KANK1: variants seen among roughly 807,000 people sequenced by gnomAD.
KANK1 encodes the protein KN motif and ankyrin repeat domain-containing protein 1.
KANK1 carries 109 observed loss-of-function variants against 106.2 expected under a neutral mutation model. The ratio of observed to expected loss-of-function variants is 1.03; its 90% CI spans 0.88 to 1.20. The LOEUF (loss-of-function observed/expected upper bound fraction) is 1.20, where lower values mean the gene tolerates loss of function less well. Ranked by LOEUF, KANK1 falls within the 50% of genes most tolerant of loss-of-function variation. The pLI is 0.00. For missense variants in KANK1, 2,399 were observed against 1,710.7 expected, an observed-to-expected ratio of 1.40 and a Z score of -7.10; for synonymous variants, 873 against 652.2, an observed-to-expected ratio of 1.34 and a Z score of -5.16.
At chr9:698,556 C>T (rs1335442234) in intron 2 of KANK1, among the ~76,000 whole-genome samples, 1 of 152,178 alleles carries the variant, frequency 6.6e-6, no homozygotes, top group Admixed American at 6.5e-5. Context: ...TGGTCTCCAG[C>T]TCAGCCCAGA....
chr9:564,154 G>T (rs1463229726), intron 1 of KANK1, among the ~76,000 whole-genome samples: 2 of 151,732 alleles, frequency 1.3e-5, no homozygotes, highest in East Asian at 3.9e-4. Context: ...CCGCCTCCCG[G>T]GTTCACGCCA....
chr9:714,638 A>C (rs1022363360), intron 3 of KANK1, among the ~76,000 whole-genome samples: 1 of 152,052 alleles, frequency 6.6e-6, no homozygotes, highest in Admixed American at 6.6e-5. Flanking sequence ...GATTACAGAC[A>C]TGAGCCACCA....
intron 1 of KANK1, among the ~76,000 whole-genome samples, chr9:650,157 G>A (rs1333648500): frequency 6.6e-6 from 1 of 152,148 alleles, no homozygotes. Flanking sequence ...TCATTGCAGG[G>A]CAGCTTGCAA....
chr9:670,342 T>C (rs961130038), intron 1 of KANK1, among the ~76,000 whole-genome samples: 1 of 152,194 alleles, frequency 6.6e-6, no homozygotes, highest in Admixed American at 6.5e-5. Context: ...GTCTAGTCTG[T>C]TTTGGTTTTT....
At chr9:599,968 C>A (rs944570205) in intron 1 of KANK1, among the ~76,000 whole-genome samples, 1 of 151,752 alleles carries the variant, frequency 6.6e-6, no homozygotes, top group African/African-American at 2.4e-5. Flanking sequence ...CCCACATCAA[C>A]GTATGTCCAT....
chr9:643,110 T>C lies in KANK1; in HGVS notation c.-83-33780T>C, dbSNP rs539730327. ...GGTCAGATCACCATTTGGAAAGATC[T>C]TATTCTTTAAAGCAAAAGTTTTGAA... On this transcript the variant is annotated intron_variant, in intron 1 of 11. Coordinates refer to ENST00000382297, the MANE Select transcript of KANK1 (RefSeq NM_015158.5). Among the ~76,000 whole-genome samples, 8 of 150,928 alleles carry C rather than the reference T, an allele frequency of 5.3e-5. No individual in the cohort carries two copies. The South Asian group carries it at 1.7e-3, about 31-fold the overall frequency.
chr9:735,702 C>G, intron 7 of KANK1: 2 of 429,550 alleles, frequency 4.7e-6, no homozygotes, highest in South Asian at 3.4e-5. Context: ...TATCATAATA[C>G]CTAATACAGG....
At chr9:630,827 C>A (rs148730848) in intron 1 of KANK1, among the ~76,000 whole-genome samples, 1 of 151,956 alleles carries the variant, frequency 6.6e-6, no homozygotes. Flanking sequence ...CACTTGAACC[C>A]GGGATGTAGA....
chr9:474,705 A>G (rs1220293896), intron 3 of KANK1, among the ~76,000 whole-genome samples: 1 of 152,058 alleles, frequency 6.6e-6, no homozygotes, highest in Non-Finnish European at 1.5e-5. Flanking sequence ...TATCTTTTCT[A>G]TATTTCTTCC....
chr9:544,694 A>C (rs1213350110), intron 1 of KANK1, among the ~76,000 whole-genome samples: 1 of 151,916 alleles, frequency 6.6e-6, no homozygotes, highest in Non-Finnish European at 1.5e-5. Context: ...GTCGTAGTTG[A>C]AGCTGAAACC....
intron 1 of KANK1, among the ~76,000 whole-genome samples, chr9:587,992 G>A (rs1271629258): frequency 1.3e-5 from 2 of 152,044 alleles, no homozygotes; most frequent in Admixed American, 1.3e-4. Flanking sequence ...CTTGAACCTG[G>A]GAGGCAGAGG....
intron 2 of KANK1, among the ~76,000 whole-genome samples, chr9:686,234 T>C (rs1179708603): frequency 6.6e-6 from 1 of 152,200 alleles, no homozygotes; most frequent in Non-Finnish European, 1.5e-5. Flanking sequence ...AGCCGATTTA[T>C]TTATTTTTCC....
At chr9:616,055 C>G (rs1242181995) in intron 1 of KANK1, among the ~76,000 whole-genome samples, 1 of 152,166 alleles carries the variant, frequency 6.6e-6, no homozygotes, top group African/African-American at 2.4e-5. Context: ...ATCCGTCCTA[C>G]CAGTGTCACC....
chr9:517,667 C>G (rs958182747), intron 1 of KANK1, among the ~76,000 whole-genome samples: 2 of 150,942 alleles, frequency 1.3e-5, no homozygotes, highest in Admixed American at 6.6e-5. Context: ...TCAATTCTGC[C>G]TGTTGTAGGG....
chr9:678,589 A>G (rs1027045315), intron 2 of KANK1, among the ~76,000 whole-genome samples: 1 of 152,092 alleles, frequency 6.6e-6, no homozygotes, highest in Admixed American at 6.5e-5. Flanking sequence ...TTAGCCAGGC[A>G]TGGTGGCGCA....
chr9:669,908 G>A (rs1423707913), intron 1 of KANK1, among the ~76,000 whole-genome samples: 1 of 151,888 alleles, frequency 6.6e-6, no homozygotes, highest in Non-Finnish European at 1.5e-5. Flanking sequence ...GGCAATCTTT[G>A]TATAATATAT....
At chr9:676,768 T>A (rs1472859482) in intron 1 of KANK1, 122 bp from the exon 2 acceptor site, 2 of 509,558 alleles carry the variant, frequency 3.9e-6, no homozygotes, top group Non-Finnish European at 7.1e-6. Flanking sequence ...ATCTATAGTC[T>A]TTCTCCCCCC....
At chr9:687,646 G>T (rs993110291) in intron 2 of KANK1, among the ~76,000 whole-genome samples, 1 of 152,008 alleles carries the variant, frequency 6.6e-6, no homozygotes, top group South Asian at 2.1e-4. Context: ...TCTTGACCTG[G>T]ATATCTTTCC....
intron 1 of KANK1, among the ~76,000 whole-genome samples, chr9:589,081 C>T (rs953614383): frequency 6.6e-6 from 1 of 152,186 alleles, no homozygotes; most frequent in Admixed American, 6.5e-5. Flanking sequence ...TCAGTTGATG[C>T]TGAGAGGTCA....
Sources: allele counts gnomAD v4.1 joint callset (sites outside exome capture counted in the v4.1 genomes callset), GRCh38; gene constraint gnomAD v4.1.1; transcripts MANE v1.5; gene names NCBI Gene and HGNC (gene_info 2026-07-23, HGNC 2026-07-21).